COLEC12: variants seen among roughly 807,000 people sequenced by gnomAD.
COLEC12 encodes collectin subfamily member 12.
Under a neutral mutation model 71.1 loss-of-function variants are expected in COLEC12, and 33 were observed. The observed-to-expected ratio is 0.46, with a 90% CI of 0.35 to 0.62. The LOEUF (loss-of-function observed/expected upper bound fraction) is 0.62. COLEC12 is among the 20% of genes least tolerant of loss of function. The pLI, the probability that COLEC12 is intolerant of heterozygous loss-of-function variation, is 0.00. For missense variants in COLEC12, 765 were observed against 916.1 expected, an observed-to-expected ratio of 0.84 and a Z score of 2.13; for synonymous variants, 350 against 353.0, an observed-to-expected ratio of 0.99 and a Z score of 0.10.
chr18:410,445 T>C (rs1915870393), intron 2 of COLEC12, among the ~76,000 whole-genome samples: 1 of 151,142 alleles, frequency 6.6e-6, no homozygotes, highest in Non-Finnish European at 1.5e-5. Context: ...TGTTCTTCTT[T>C]TTTTTTTTTT....
intron 1 of COLEC12, among the ~76,000 whole-genome samples, chr18:498,276 TCCCCA>T (rs1251407560): frequency 6.6e-6 from 1 of 151,686 alleles, no homozygotes; most frequent in African/African-American, 2.4e-5. Flanking sequence ...GCCCCTCCCG[TCCCCA>T]CCCCACCACT....
intron 2 of COLEC12, among the ~76,000 whole-genome samples, chr18:418,778 C>A (rs1002263380): frequency 1.3e-5 from 2 of 152,194 alleles, no homozygotes; most frequent in African/African-American, 4.8e-5. Flanking sequence ...ATAATCCACC[C>A]CTTGTTGAGC....
intron 2 of COLEC12, among the ~76,000 whole-genome samples, chr18:463,406 C>G (rs995065761): frequency 1.3e-5 from 2 of 152,170 alleles, no homozygotes; most frequent in Non-Finnish European, 2.9e-5. Flanking sequence ...CCAGAACCAA[C>G]TAATTCAGAA....
intron 2 of COLEC12, among the ~76,000 whole-genome samples, chr18:371,451 G>A (rs1242280725): frequency 6.6e-6 from 1 of 152,176 alleles, no homozygotes; most frequent in Non-Finnish European, 1.5e-5. Context: ...AATCACGGAA[G>A]AGAAATGTTT....
intron 2 of COLEC12, among the ~76,000 whole-genome samples, chr18:413,532 CA>C (rs1207980791): frequency 1.3e-5 from 2 of 152,134 alleles, no homozygotes; most frequent in Admixed American, 6.5e-5. Flanking sequence ...TATGTTTACA[CA>C]AAAATATGTA....
intron 2 of COLEC12, among the ~76,000 whole-genome samples, chr18:378,809 C>T (rs1915169142): frequency 6.6e-6 from 1 of 152,152 alleles, no homozygotes. Context: ...CTAGATTGTT[C>T]TCCCCTCCAT....
chr18:376,380 T>G (rs948758565), intron 2 of COLEC12, among the ~76,000 whole-genome samples: 5 of 152,242 alleles, frequency 3.3e-5, no homozygotes, highest in Non-Finnish European at 7.3e-5. Flanking sequence ...TGGAGACATT[T>G]ACTTTAAACA....
intron 2 of COLEC12, among the ~76,000 whole-genome samples, chr18:429,543 G>A (rs369404666): frequency 2.0e-5 from 3 of 151,908 alleles, no homozygotes; most frequent in South Asian, 2.1e-4. Flanking sequence ...CACCATGCCC[G>A]GCTAATTTTT....
chr18:406,678 T>G (rs1393877070), intron 2 of COLEC12, among the ~76,000 whole-genome samples: 1 of 152,234 alleles, frequency 6.6e-6, no homozygotes, highest in Non-Finnish European at 1.5e-5. Context: ...CCAAGAACCT[T>G]CTCTCAGGGT....
intron 2 of COLEC12, among the ~76,000 whole-genome samples, chr18:380,872 C>G (rs190077162): frequency 3.4e-4 from 52 of 152,206 alleles, no homozygotes; most frequent in Middle Eastern, 3.4e-3. Context: ...AAGTGAGAGA[C>G]GGCAGAAAGA....
chr18:327,925 T>C lies in COLEC12; in HGVS notation c.2063+3743A>G, dbSNP rs1913882530. 1.3e-5 allele frequency among the ~76,000 whole-genome samples: 2 copies of C among 152,216 alleles called. No individual in the cohort carries two copies. Among genetic ancestry groups the C allele is most frequent in the African/African-American group, 4.8e-5 (2 of 41,458 alleles). ...CTGTGAAGCCATCTGGTCCTGGGCT[T>C]ATCTTTCTGGGAGGTTTCTGATTGC... On this transcript the variant is annotated intron_variant, in intron 8 of 9. Transcript: ENST00000400256. The surrounding 1 kb of genome is among the most constrained non-coding windows in gnomAD (Gnocchi z 4.0).
chr18:428,035 C>G (rs1310856479), intron 2 of COLEC12, among the ~76,000 whole-genome samples: 1 of 152,096 alleles, frequency 6.6e-6, no homozygotes, highest in African/African-American at 2.4e-5. Context: ...GAGGATGAGG[C>G]AGGCAGATCA....
At chr18:370,882 T>C (rs1418214280) in intron 2 of COLEC12, among the ~76,000 whole-genome samples, 1 of 152,234 alleles carries the variant, frequency 6.6e-6, no homozygotes, top group South Asian at 2.1e-4. Context: ...TTTTGCATCT[T>C]TGTCATGCAC....
chr18:379,067 T>C (rs112519443), intron 2 of COLEC12, among the ~76,000 whole-genome samples: 3 of 152,098 alleles, frequency 2.0e-5, no homozygotes, highest in African/African-American at 7.2e-5. Flanking sequence ...CGACTAAGGC[T>C]GGAGGGATGG....
intron 2 of COLEC12, among the ~76,000 whole-genome samples, chr18:378,532 G>A (rs997454701): frequency 1.3e-5 from 2 of 152,290 alleles, no homozygotes; most frequent in East Asian, 3.9e-4. Context: ...TGGCCACTGA[G>A]GGAGAAAGAA....
At chr18:340,898 A>C (rs1914236246) in intron 5 of COLEC12, among the ~76,000 whole-genome samples, 1 of 152,242 alleles carries the variant, frequency 6.6e-6, no homozygotes, top group Non-Finnish European at 1.5e-5. Flanking sequence ...CCTTGTCCAC[A>C]GAGGAGGGTG....
intron 2 of COLEC12, among the ~76,000 whole-genome samples, chr18:385,007 C>T (rs187523756): frequency 2.0e-5 from 3 of 152,326 alleles, no homozygotes; most frequent in Admixed American, 2.0e-4. Flanking sequence ...TGGCAGCTCT[C>T]TAGAAGGATA....
chr18:421,997 G>A (rs904595601), intron 2 of COLEC12, among the ~76,000 whole-genome samples: 2 of 152,104 alleles, frequency 1.3e-5, no homozygotes, highest in Non-Finnish European at 2.9e-5. Flanking sequence ...CTGGATTGCT[G>A]TCCCCTTCCC....
rs34131281 is a variant in COLEC12, at chr18:408,611, GAAA to G, written c.59-51092_59-51090del. ...AGTATTACCAAATATTGAGAAAAAG[GAAA>G]AAAAAAAAAGACAGGAAAATAAAAG... On this transcript the variant is annotated intron_variant, in intron 2 of 9. Transcript: ENST00000400256. This position sits in a 1 kb window ranked among gnomAD's most constrained non-coding sequence, Gnocchi z 4.3. Among the ~76,000 whole-genome samples the G allele has an allele frequency of 6.8e-3, 978 of 144,306 alleles. 9 individuals are homozygous for G. Among genetic ancestry groups the G allele is most frequent in the African/African-American group, 0.024 (925 of 38,794 alleles). The allele number at this position is 144,306 out of a possible 152,430, so 94.7% of individuals were successfully genotyped here.
Sources: gnomAD v4.1 joint callset for allele counts (sites outside exome capture counted in the v4.1 genomes callset) on GRCh38, gnomAD v4.1.1 for gene constraint, Gnocchi (gnomAD v3.1) non-coding constraint, MANE v1.5 for transcripts, NCBI Gene and HGNC (gene_info 2026-07-23, HGNC 2026-07-21) for gene names.